UNC5C: variants seen among roughly 807,000 people sequenced by gnomAD.
UNC5C encodes the protein unc-5 netrin receptor C.
Under a neutral mutation model 99.8 loss-of-function variants are expected in UNC5C, and 47 were observed. The observed-to-expected ratio is 0.47, with a 90% CI of 0.37 to 0.60. The LOEUF (loss-of-function observed/expected upper bound fraction) is 0.60, where lower values mean the gene tolerates loss of function less well. UNC5C is among the 20% of genes least tolerant of loss of function. The pLI is 0.00. For synonymous variants in UNC5C, 487 were observed against 452.2 expected, an observed-to-expected ratio of 1.08 and a Z score of -0.98; for missense variants, 1,062 against 1,165.9, an observed-to-expected ratio of 0.91 and a Z score of 1.30.
At chr4:95,414,067 C>T (rs1347602642) in intron 1 of UNC5C, among the ~76,000 whole-genome samples, 4 of 152,132 alleles carry the variant, frequency 2.6e-5, no homozygotes, top group African/African-American at 9.7e-5. Flanking sequence ...ATGTGTTACC[C>T]CCAAATATCA....
At chr4:95,321,746 A>G (rs1483638869) in intron 2 of UNC5C, among the ~76,000 whole-genome samples, 2 of 152,250 alleles carry the variant, frequency 1.3e-5, no homozygotes, top group African/African-American at 4.8e-5. Context: ...ATTGCAAAGT[A>G]AAGGTGAGAA....
chr4:95,194,484 C>G (rs1457507379), intron 12 of UNC5C, among the ~76,000 whole-genome samples: 1 of 152,122 alleles, frequency 6.6e-6, no homozygotes, highest in Non-Finnish European at 1.5e-5. Flanking sequence ...TGGGGCTGCC[C>G]TCCTCTCCAG....
chr4:95,532,951 G>A (rs1030852494), intron 1 of UNC5C, among the ~76,000 whole-genome samples: 1 of 151,638 alleles, frequency 6.6e-6, no homozygotes, highest in Non-Finnish European at 1.5e-5. Flanking sequence ...TCTACTGATG[G>A]TGTCTCTTAG....
intron 4 of UNC5C, among the ~76,000 whole-genome samples, chr4:95,254,228 A>G (rs1307718008): frequency 6.6e-6 from 1 of 152,134 alleles, no homozygotes; most frequent in Non-Finnish European, 1.5e-5. Context: ...TATCTAAAGC[A>G]TAATTTCTGA....
chr4:95,473,616 A>T (rs1748043322), intron 1 of UNC5C, among the ~76,000 whole-genome samples: 1 of 152,130 alleles, frequency 6.6e-6, no homozygotes, highest in Admixed American at 6.6e-5. Context: ...GAAGTGTGTT[A>T]TTCTTAAGTA....
At chr4:95,186,990 TGACACCCCACTCCAC>T (rs1437477374) in intron 12 of UNC5C, among the ~76,000 whole-genome samples, 1 of 151,858 alleles carries the variant, frequency 6.6e-6, no homozygotes, top group East Asian at 1.9e-4. Context: ...CCCCACTCCA[TGACACCCCACTCCAC>T]GACAAGAATA....
At chr4:95,481,514 A>G (rs1268496745) in intron 1 of UNC5C, among the ~76,000 whole-genome samples, 1 of 151,990 alleles carries the variant, frequency 6.6e-6, no homozygotes, top group Non-Finnish European at 1.5e-5. Flanking sequence ...AACTACTTTA[A>G]AGTTCATATG....
intron 1 of UNC5C, among the ~76,000 whole-genome samples, chr4:95,542,127 T>A (rs558146579): frequency 2.4e-4 from 36 of 152,226 alleles, no homozygotes; most frequent in Non-Finnish European, 1.5e-4. Flanking sequence ...TAAGTAAGAC[T>A]GGTAACTCTG....
intron 1 of UNC5C, among the ~76,000 whole-genome samples, chr4:95,495,302 A>C (rs6532560): frequency 6.6e-6 from 1 of 151,204 alleles, no homozygotes; most frequent in African/African-American, 2.4e-5. Context: ...GTCAGTTTTA[A>C]GACAAATTGT....
chr4:95,356,060 C>T lies in UNC5C; in HGVS notation c.125-20429G>A, dbSNP rs540348603. 9.8e-4 allele frequency among the ~76,000 whole-genome samples: 149 copies of T among 151,650 alleles called. 1 individual carries two copies. Among genetic ancestry groups the T allele is most frequent in the Middle Eastern group, 6.8e-3 (2 of 294 alleles). Reference sequence around the variant, plus strand: ...TAAAAATTAGTTGGGTGTGGTGGCACCCACCTGTAGTTACAGCTACTCAGG... The same window carrying T: ...TAAAAATTAGTTGGGTGTGGTGGCATCCACCTGTAGTTACAGCTACTCAGG... On this transcript the variant is annotated intron_variant, in intron 1 of 15. Coordinates refer to ENST00000453304, the MANE Select transcript of UNC5C (RefSeq NM_003728.4).
intron 1 of UNC5C, among the ~76,000 whole-genome samples, chr4:95,438,433 C>T (rs1289006118): frequency 4.1e-5 from 3 of 73,182 alleles, no homozygotes; most frequent in Non-Finnish European, 6.2e-5. Flanking sequence ...ATAGGAACGT[C>T]TCTTTTTGAA....
intron 1 of UNC5C, among the ~76,000 whole-genome samples, chr4:95,348,570 T>C (rs1419700661): frequency 1.3e-5 from 2 of 149,646 alleles, no homozygotes; most frequent in African/African-American, 4.9e-5. Context: ...ATGTGGTAGA[T>C]ATACACAATG....
chr4:95,427,014 G>T (rs1001590921), intron 1 of UNC5C, among the ~76,000 whole-genome samples: 2 of 152,222 alleles, frequency 1.3e-5, no homozygotes, highest in African/African-American at 4.8e-5. Context: ...ATTGGAAGAA[G>T]ATGCCATGTA....
At chr4:95,476,474 T>G (rs542161537) in intron 1 of UNC5C, among the ~76,000 whole-genome samples, 1 of 152,196 alleles carries the variant, frequency 6.6e-6, no homozygotes, top group Non-Finnish European at 1.5e-5. Flanking sequence ...ATTGCACAAA[T>G]TACATAACCA....
chr4:95,471,040 C>T (rs188512192), intron 1 of UNC5C, among the ~76,000 whole-genome samples: 1 of 149,128 alleles, frequency 6.7e-6, no homozygotes. Flanking sequence ...TAAAATGAGC[C>T]TAAATTAGGA....
intron 2 of UNC5C, among the ~76,000 whole-genome samples, chr4:95,302,277 C>T (rs1273478930): frequency 6.6e-6 from 1 of 152,122 alleles, no homozygotes; most frequent in South Asian, 2.1e-4. Context: ...GGTATCGTAT[C>T]CGAAGAATAT....
chr4:95,177,386 A>C (rs1201670422), intron 14 of UNC5C, among the ~76,000 whole-genome samples: 2 of 144,376 alleles, frequency 1.4e-5, no homozygotes, highest in African/African-American at 5.2e-5. Flanking sequence ...CAGGGGCTCA[A>C]CACCACCATC....
intron 1 of UNC5C, among the ~76,000 whole-genome samples, chr4:95,531,075 CT>C (rs1209030389): frequency 6.6e-6 from 1 of 152,044 alleles, no homozygotes; most frequent in African/African-American, 2.4e-5. Flanking sequence ...TTGTTTTAGA[CT>C]TCATAATTTA....
chr4:95,346,345 C>T lies in UNC5C; in HGVS notation c.125-10714G>A, dbSNP rs577099421. The stretch of plus-strand genomic sequence containing the variant: ...CAATGGCTTCACAGCTGATTTCTAC[C>T]AAACATTTAAAGAAGAACTAATACC... On this transcript the variant is annotated intron_variant, in intron 1 of 15. Transcript: ENST00000453304. 7.5e-4 allele frequency among the ~76,000 whole-genome samples: 114 copies of T among 152,008 alleles called. 1 individual carries two copies. The highest frequency in any genetic ancestry group is 3.4e-3 in the Middle Eastern group (1 of 294).
Sources: allele counts gnomAD v4.1 joint callset (sites outside exome capture counted in the v4.1 genomes callset), GRCh38; gene constraint gnomAD v4.1.1; transcripts MANE v1.5; gene names NCBI Gene and HGNC (gene_info 2026-07-23, HGNC 2026-07-21).